Variants in PASD1 observed in about 807,000 individuals in gnomAD.
PASD1 encodes circadian clock protein PASD1.
A neutral mutation model predicts 58.8 loss-of-function variants in PASD1; 13 were observed. The observed-to-expected ratio is 0.22, with a 90% CI of 0.14 to 0.35. The LOEUF (loss-of-function observed/expected upper bound fraction) is 0.35, where lower values mean the gene tolerates loss of function less well. Among genes scored for constraint, PASD1 ranks in the 10% least tolerant of loss-of-function variants. The pLI is 1.00. For synonymous variants in PASD1, 236 were observed against 216.7 expected, an observed-to-expected ratio of 1.09 and a Z score of -0.78; for missense variants, 734 against 568.3, an observed-to-expected ratio of 1.29 and a Z score of -2.96.
chrX:151,569,280 G>A (rs2012893195), intron 1 of PASD1, among the ~76,000 whole-genome samples: 1 of 111,548 alleles, frequency 9.0e-6, no homozygotes, highest in Non-Finnish European at 1.9e-5. Context: ...AAACATTCCT[G>A]GGTATTCTTC....
intron 1 of PASD1, among the ~76,000 whole-genome samples, chrX:151,582,597 A>C (rs1333387913): frequency 3.6e-5 from 4 of 111,316 alleles, no homozygotes; most frequent in Admixed American, 2.9e-4. Context: ...CAAATACTGG[A>C]GGGGGAAGTG....
Position 151,672,213 on chromosome X carries a change from A to G in PASD1, c.1468A>G (p.Lys490Glu). 23 of 1,159,647 alleles carry G rather than the reference A, an allele frequency of 2.0e-5. No individual in the cohort carries two copies. The highest frequency in any genetic ancestry group is 2.6e-5 in the Non-Finnish European group (23 of 870,916). ...ACTGGTGCAGCAAGAACAACACCTGAAGGAGCAGCAGCGGCAGCTGCGGGA... is the reference window on the plus strand; with the variant it reads ...ACTGGTGCAGCAAGAACAACACCTGGAGGAGCAGCAGCGGCAGCTGCGGGA... ...QQLVQQEQHL[K>E]EQQRQLREQL... Residue 490 changes from lysine (K) to glutamate (E), a missense_variant, in exon 14 of 16, where the codon AAG becomes GAG. Lys to Glu is a moderately conservative substitution (Grantham distance 56). Transcript: ENST00000370357.
At chrX:151,616,896 A>T (rs2013644019) in intron 4 of PASD1, among the ~76,000 whole-genome samples, 1 of 111,311 alleles carries the variant, frequency 9.0e-6, no homozygotes, top group Non-Finnish European at 1.9e-5. Context: ...CCTGCAGAGG[A>T]TCTTATCCTT....
At chrX:151,617,140 G>GTA (rs2013647225) in intron 4 of PASD1, among the ~76,000 whole-genome samples, 1 of 111,166 alleles carries the variant, frequency 9.0e-6, no homozygotes, top group Non-Finnish European at 1.9e-5. Context: ...TTTTTCGCTG[G>GTA]TATTTATCCT....
chrX:151,619,358 C>T (rs756190125), intron 4 of PASD1, among the ~76,000 whole-genome samples: 1 of 111,087 alleles, frequency 9.0e-6, no homozygotes, highest in East Asian at 2.8e-4. Flanking sequence ...GATTAGACAT[C>T]CAAGTTGAGT....
chrX:151,608,296 C>A (rs2013511924), intron 3 of PASD1, among the ~76,000 whole-genome samples: 1 of 111,789 alleles, frequency 8.9e-6, no homozygotes, highest in Non-Finnish European at 1.9e-5. Flanking sequence ...GACAATGAGC[C>A]TCTTTTCACC....
intron 11 of PASD1, among the ~76,000 whole-genome samples, chrX:151,669,512 G>T (rs5924995): frequency 0.17 from 18,404 of 109,534 alleles, 1,239 homozygotes; most frequent in African/African-American, 0.19. Context: ...ACTGTATTTT[G>T]GTACCCAGTA....
chrX:151,603,577 G>GT (rs552646367), intron 2 of PASD1, among the ~76,000 whole-genome samples: 2 of 111,589 alleles, frequency 1.8e-5, no homozygotes, highest in South Asian at 7.7e-4. Context: ...GTCATGGGTT[G>GT]TTTCTTGAGT....
At chrX:151,621,193 AT>A (rs1311171300) in intron 5 of PASD1, among the ~76,000 whole-genome samples, 164 bp downstream of exon 5, 2 of 111,164 alleles carry the variant, frequency 1.8e-5, no homozygotes, top group Admixed American at 9.7e-5. Context: ...TGTTAAAAAA[AT>A]CTCTCCTCCA....
Position 151,672,658 on chromosome X carries a change from A to G in PASD1, c.1913A>G (p.Gln638Arg). 8.3e-7 allele frequency: 1 copy of G among 1,211,240 alleles called. No homozygotes were observed. Residue 638 changes from glutamine (Q) to arginine (R), a missense_variant, in exon 14 of 16, where the codon CAA becomes CGA. Physicochemically the swap from Gln to Arg is conservative, Grantham distance 43. Coordinates refer to ENST00000370357, the MANE Select transcript of PASD1 (RefSeq NM_173493.3). ...TGTGGGCAACAGGAAGATGAGAGTC[A>G]AAGGTAAGACATGCATGGAATGGTG... is the stretch of plus-strand genomic sequence containing the variant. ...ENCGQQEDES[Q>R]SFYPEAYQGP...
At chrX:151,585,799 A>G (rs1287598099) in intron 1 of PASD1, among the ~76,000 whole-genome samples, 1 of 112,129 alleles carries the variant, frequency 8.9e-6, no homozygotes, top group Non-Finnish European at 1.9e-5. Flanking sequence ...CCAGGTAAAT[A>G]TGAATACCTG....
Position 151,659,744 on chromosome X carries a change from A to G in PASD1, c.749A>G (p.Tyr250Cys), listed in dbSNP as rs2088467232. 3.3e-6 allele frequency: 4 copies of G among 1,201,118 alleles called. No homozygotes were observed. The highest frequency in any genetic ancestry group is 4.5e-6 in the Non-Finnish European group (4 of 887,187). The change falls in exon 10 of 16, where the codon TAT (tyrosine) becomes TGT (cysteine). Residue 250 changes from tyrosine to cysteine, a missense_variant. Transcript: ENST00000370357. ...DQIDIAEVEQ[Y>C]GPQENVHMFV... Reference sequence around the variant, plus strand: ...ATTGATATTGCAGAGGTTGAGCAGTATGGACCACAAGAAAACGTTCACATG... The same window carrying G: ...ATTGATATTGCAGAGGTTGAGCAGTGTGGACCACAAGAAAACGTTCACATG...
At chrX:151,577,171 AAGAG>A (rs201200504) in intron 1 of PASD1, among the ~76,000 whole-genome samples, 6 of 110,478 alleles carry the variant, frequency 5.4e-5, no homozygotes, top group Admixed American at 9.7e-5. Context: ...CTCGTCTTGA[AAGAG>A]AGAGAGAGAG....
At chrX:151,656,957 C>A (rs1180206369) in intron 9 of PASD1, among the ~76,000 whole-genome samples, 1 of 111,625 alleles carries the variant, frequency 9.0e-6, no homozygotes, top group Non-Finnish European at 1.9e-5. Context: ...GGAAAGCCTC[C>A]GGTTTTTGCC....
intron 1 of PASD1, among the ~76,000 whole-genome samples, chrX:151,571,849 C>T (rs1451667365): frequency 8.9e-6 from 1 of 112,067 alleles, no homozygotes; most frequent in Non-Finnish European, 1.9e-5. Flanking sequence ...TGTTCCTTCT[C>T]ATATTAGTCT....
chrX:151,573,263 A>C (rs1212498644), intron 1 of PASD1, among the ~76,000 whole-genome samples: 1 of 111,067 alleles, frequency 9.0e-6, no homozygotes, highest in Non-Finnish European at 1.9e-5. Context: ...CGGGGATTAC[A>C]ATTCAACATG....
intron 1 of PASD1, among the ~76,000 whole-genome samples, chrX:151,583,043 A>C (rs949284677): frequency 1.8e-5 from 2 of 111,854 alleles, no homozygotes; most frequent in African/African-American, 6.5e-5. Flanking sequence ...TGAAGGTCAC[A>C]GATGGAAATT....
At chrX:151,612,613 T>A (rs747180431) in intron 4 of PASD1, among the ~76,000 whole-genome samples, 19 of 111,516 alleles carry the variant, frequency 1.7e-4, no homozygotes, top group Non-Finnish European at 3.0e-4. Context: ...CATAAATGTC[T>A]TCTTTTGAGA....
In PASD1 at chrX:151,611,654, T is replaced by G; in HGVS notation, c.118-10T>G. The G allele has an allele frequency of 8.8e-7, 1 of 1,138,814 alleles. No homozygotes were observed. The highest frequency in any genetic ancestry group is 1.2e-6 in the Non-Finnish European group (1 of 843,249). 93.9% of individuals were successfully genotyped at this position (1,138,814 alleles called of 1,213,427 possible). A position where few individuals can be genotyped will look rare whatever the true frequency, so the allele number is the denominator to read the frequency against. On this transcript the variant is annotated splice_polypyrimidine_tract_variant and intron_variant, in intron 3 of 15. Coordinates refer to ENST00000370357, the MANE Select transcript of PASD1 (RefSeq NM_173493.3). ...ACTATTTAATTACATTATTATTCTC[T>G]CGTCATTAGTTATTAGATGGCTTTA...
Sources: allele counts gnomAD v4.1 joint callset (sites outside exome capture counted in the v4.1 genomes callset), GRCh38; gene constraint gnomAD v4.1.1; transcripts MANE v1.5; gene names NCBI Gene and HGNC (gene_info 2026-07-23, HGNC 2026-07-21).